SUPT3H: variants seen among roughly 807,000 people sequenced by gnomAD.
The protein encoded by SUPT3H is transcription initiation protein SPT3 homolog.
SUPT3H carries 44 observed loss-of-function variants against 44.3 expected under a neutral mutation model. The ratio of observed to expected loss-of-function variants is 0.99; its 90% confidence interval spans 0.78 to 1.28. SUPT3H has a LOEUF of 1.28. SUPT3H is among the 50% of genes most tolerant of loss of function. The pLI is 0.00. For missense variants in SUPT3H, 380 were observed against 387.1 expected (o/e 0.98, Z 0.15); for synonymous variants, 124 against 125.6 (o/e 0.99, Z 0.09).
At chr6:45,055,505 G>A (rs1279037940) in intron 3 of SUPT3H, among the ~76,000 whole-genome samples, 1 of 152,074 alleles carries the variant, frequency 6.6e-6, no homozygotes, top group Admixed American at 6.6e-5. Context: ...AGCATAGAGA[G>A]CCCAGAAATA....
At chr6:45,230,686 A>ATATATATATATATTTTTTT (rs796866510) in intron 2 of SUPT3H, among the ~76,000 whole-genome samples, 4 of 116,796 alleles carry the variant, frequency 3.4e-5, no homozygotes, top group African/African-American at 1.3e-4. Context: ...ATATATATAT[A>ATATATATATATATTTTTTT]TTTTTGAGAT....
chr6:45,228,963 A>G lies in SUPT3H; in HGVS notation c.102-122957T>C, dbSNP rs193215800. 2.3e-3 allele frequency among the ~76,000 whole-genome samples: 354 copies of G among 152,284 alleles called. 1 individual carries two copies. Among genetic ancestry groups the G allele is most frequent in the African/African-American group, 7.8e-3 (323 of 41,568 alleles). On this transcript the variant is annotated intron_variant, in intron 2 of 10. Coordinates refer to ENST00000371459, the MANE Select transcript of SUPT3H (RefSeq NM_003599.4). ...CCTAAAAATAAATTCTTAATAATCAATTTACCAATAGGATTATCAAACTTT... is the reference window on the plus strand; with the variant it reads ...CCTAAAAATAAATTCTTAATAATCAGTTTACCAATAGGATTATCAAACTTT...
At chr6:44,882,192 AT>A (rs1450696713) in intron 10 of SUPT3H, among the ~76,000 whole-genome samples, 2 of 152,340 alleles carry the variant, frequency 1.3e-5, no homozygotes, top group East Asian at 3.9e-4. Context: ...ATAAAAAATG[AT>A]AAAGGTGATA....
chr6:44,878,461 T>G (rs1032696440), intron 10 of SUPT3H, among the ~76,000 whole-genome samples: 1 of 152,088 alleles, frequency 6.6e-6, no homozygotes, highest in Non-Finnish European at 1.5e-5. Context: ...TTTTTTTTTT[T>G]AAACTAATGA....
intron 2 of SUPT3H, among the ~76,000 whole-genome samples, chr6:45,276,162 A>G (rs1776975524): frequency 6.6e-6 from 1 of 152,110 alleles, no homozygotes; most frequent in African/African-American, 2.4e-5. Flanking sequence ...AAAAATGTCA[A>G]CATACATAAA....
intron 2 of SUPT3H, among the ~76,000 whole-genome samples, chr6:45,178,786 G>T (rs1812528586): frequency 6.6e-6 from 1 of 152,150 alleles, no homozygotes; most frequent in African/African-American, 2.4e-5. Context: ...CAAGTACATG[G>T]AAACTGAACA....
At chr6:44,940,577 A>G (rs779784459) in intron 9 of SUPT3H, among the ~76,000 whole-genome samples, 1 of 152,116 alleles carries the variant, frequency 6.6e-6, no homozygotes, top group African/African-American at 2.4e-5. Flanking sequence ...ATTTAAGTCC[A>G]ATATGTCTTT....
At chr6:44,814,801 T>C (rs966079370) in intron 11 of SUPT3H, among the ~76,000 whole-genome samples, 3 of 152,102 alleles carry the variant, frequency 2.0e-5, no homozygotes, top group African/African-American at 7.2e-5. Flanking sequence ...CTCAGCGTCC[T>C]GAATAGCTGG....
At chr6:45,334,082 CT>C (rs1788058634) in intron 2 of SUPT3H, among the ~76,000 whole-genome samples, 1 of 151,192 alleles carries the variant, frequency 6.6e-6, no homozygotes, top group Admixed American at 6.6e-5. Flanking sequence ...AGTTTAAAGA[CT>C]CTTTTATCTC....
intron 2 of SUPT3H, among the ~76,000 whole-genome samples, chr6:45,351,944 C>T (rs76850596): frequency 0.02 from 3,100 of 152,236 alleles, 43 homozygotes; most frequent in Non-Finnish European, 0.033. Context: ...AATTAGTATA[C>T]TCCTAATTAG....
intron 2 of SUPT3H, among the ~76,000 whole-genome samples, chr6:45,258,626 A>T (rs899785659): frequency 1.3e-5 from 2 of 152,202 alleles, no homozygotes; most frequent in Non-Finnish European, 2.9e-5. Context: ...TCAGTCAGTA[A>T]AAGACTTCAC....
chr6:44,895,415 G>A (rs1055337727), intron 10 of SUPT3H, among the ~76,000 whole-genome samples: 25 of 152,000 alleles, frequency 1.6e-4, no homozygotes, highest in African/African-American at 5.1e-4. Context: ...TCAAAAGGAC[G>A]TGCTGAAAGC....
intron 3 of SUPT3H, among the ~76,000 whole-genome samples, chr6:45,039,236 C>T (rs2153528769): frequency 6.6e-6 from 1 of 152,232 alleles, no homozygotes; most frequent in East Asian, 1.9e-4. Context: ...ATTTAAGTCA[C>T]AACACTCCTA....
At chr6:45,103,362 T>C (rs1203760437) in intron 3 of SUPT3H, among the ~76,000 whole-genome samples, 1 of 152,190 alleles carries the variant, frequency 6.6e-6, no homozygotes, top group African/African-American at 2.4e-5. Context: ...AGGCACATAC[T>C]ATTTCTTGTT....
intron 2 of SUPT3H, among the ~76,000 whole-genome samples, chr6:45,336,317 A>G (rs1009928647): frequency 4.0e-5 from 6 of 151,596 alleles, no homozygotes; most frequent in East Asian, 3.9e-4. Flanking sequence ...TCCCTCCCTT[A>G]TAACACGCAT....
At chr6:45,014,954 A>C in intron 4 of SUPT3H, 63 bp from the exon 5 acceptor site, 1 of 1,010,536 alleles carries the variant, frequency 9.9e-7, no homozygotes, top group Non-Finnish European at 1.4e-6. Context: ...TACTGATTAA[A>C]GACTACTATA....
At chr6:44,912,566 A>C (rs1168495157) in intron 10 of SUPT3H, among the ~76,000 whole-genome samples, 3 of 152,188 alleles carry the variant, frequency 2.0e-5, no homozygotes, top group Non-Finnish European at 4.4e-5. Context: ...TACTCTCTAC[A>C]CTGTGGGACC....
At chr6:45,102,972 A>C (rs2153569790) in intron 3 of SUPT3H, among the ~76,000 whole-genome samples, 1 of 152,228 alleles carries the variant, frequency 6.6e-6, no homozygotes, top group South Asian at 2.1e-4. Context: ...ATGTTCAAAG[A>C]ATTACAGGAA....
At chr6:45,217,809 A>T (rs1172391412) in intron 2 of SUPT3H, among the ~76,000 whole-genome samples, 2 of 151,078 alleles carry the variant, frequency 1.3e-5, no homozygotes, top group East Asian at 4.0e-4. Context: ...AGAACTGCTT[A>T]TATCTGGGAG....
Sources: allele counts gnomAD v4.1 joint callset (sites outside exome capture counted in the v4.1 genomes callset), GRCh38; gene constraint gnomAD v4.1.1; transcripts MANE v1.5; gene names NCBI Gene and HGNC (gene_info 2026-07-23, HGNC 2026-07-21).